SMG6: variants seen among roughly 807,000 people sequenced by gnomAD.
SMG6 encodes telomerase-binding protein EST1A.
Under a neutral mutation model 142.2 loss-of-function variants are expected in SMG6, and 66 were observed. That is an observed-to-expected ratio of 0.46 (90% CI 0.38 to 0.57). The LOEUF is 0.57. Ranked by LOEUF, SMG6 falls within the 20% of genes least tolerant of loss-of-function variation. SMG6 has a pLI of 0.00. For synonymous variants in SMG6, 779 were observed against 702.4 expected (o/e 1.11, Z -1.72); for missense variants, 1,793 against 1,832.0 (o/e 0.98, Z 0.39).
chr17:2,177,012 GA>G (rs1567660685), intron 12 of SMG6, among the ~76,000 whole-genome samples: 1 of 152,202 alleles, frequency 6.6e-6, no homozygotes. Flanking sequence ...GGTGACTGGG[GA>G]AACACATTTC....
Position 2,300,574 on chromosome 17 carries a change from C to G in SMG6, c.179G>C (p.Arg60Thr), listed in dbSNP as rs772969302. Reference sequence around the variant, plus strand: ...GGGTTCCTTGATTTTGGGCTTGTTCCTTAGCCGAGAAAGGCCAGGCTTATA... The same window carrying G: ...GGGTTCCTTGATTTTGGGCTTGTTCGTTAGCCGAGAAAGGCCAGGCTTATA... ...EIYKPGLSRL[R>T]NKPKIKEPPG... The change falls in exon 2 of 19, where the codon AGG (arginine) becomes ACG (threonine). Residue 60 changes from arginine (R) to threonine (T), a missense_variant. Around this residue, in one of 3 missense-constraint regions of SMG6, gnomAD observed 1,597 missense variants for 1,584.6 expected, o/e 1.01. Transcript: ENST00000263073. 103 of 1,613,898 alleles carry G rather than the reference C, an allele frequency of 6.4e-5. No individual in the cohort carries two copies. Among genetic ancestry groups the G allele is most frequent in the Non-Finnish European group, 8.3e-5 (98 of 1,179,950 alleles).
intron 10 of SMG6, among the ~76,000 whole-genome samples, chr17:2,225,305 C>T (rs2073284235): frequency 6.8e-6 from 1 of 147,124 alleles, no homozygotes; most frequent in Non-Finnish European, 1.5e-5. Context: ...AGGTGAACTC[C>T]ATCTTTACTA....
At chr17:2,265,679 A>G (rs549426626) in intron 8 of SMG6, among the ~76,000 whole-genome samples, 2 of 152,364 alleles carry the variant, frequency 1.3e-5, no homozygotes, top group South Asian at 4.1e-4. Context: ...TGAGCCACGT[A>G]CATCTCTGTC....
intron 10 of SMG6, chr17:2,236,235 C>G (rs2073647590): frequency 3.3e-6 from 1 of 304,932 alleles, no homozygotes; most frequent in Non-Finnish European, 6.1e-6. Flanking sequence ...GCCAGATGTG[C>G]AACTGCATCT....
In SMG6 at chr17:2,283,715, G is replaced by C. The variant is rs775694840; in HGVS notation, c.2358C>G (p.Val786=). The change falls in exon 7 of 19, where the codon GTC becomes GTG. Residue 786 remains valine, a synonymous_variant. Transcript: ENST00000263073. ...AVYTRRKLDA[V]YYYMRSLAAS... ...CAGCTAAACTGCGCATATAGTAATA[G>C]ACAGCGTCAAGCTTCCTCCTCTGTG... 2.5e-6 allele frequency: 4 copies of C among 1,613,868 alleles called. No homozygotes were observed. The highest frequency in any genetic ancestry group is 3.4e-6 in the Non-Finnish European group (4 of 1,179,946).
chr17:2,297,483 C>T (rs2075168442), intron 3 of SMG6, 130 bp from the exon 4 acceptor site: 1 of 668,490 alleles, frequency 1.5e-6, no homozygotes, highest in South Asian at 2.0e-5. Context: ...GAGGCACGCA[C>T]AATATTCACT....
At chr17:2,107,502 A>G (rs2069186651) in intron 13 of SMG6, among the ~76,000 whole-genome samples, 1 of 152,200 alleles carries the variant, frequency 6.6e-6, no homozygotes, top group Admixed American at 6.6e-5. Flanking sequence ...TTAAACAGAC[A>G]TTCTACCACC....
chr17:2,193,136 T>C (rs1464942515), intron 10 of SMG6, among the ~76,000 whole-genome samples: 1 of 151,724 alleles, frequency 6.6e-6, no homozygotes, highest in Non-Finnish European at 1.5e-5. Flanking sequence ...TGGTGGGAGG[T>C]GTCTGGATGG....
intron 13 of SMG6, among the ~76,000 whole-genome samples, chr17:2,094,252 TTC>T (rs1391192084): frequency 2.0e-5 from 3 of 152,128 alleles, no homozygotes; most frequent in African/African-American, 7.2e-5. Context: ...CAACGTAACT[TTC>T]TTTCTTTTTT....
chr17:2,292,637 C>G lies in SMG6; in HGVS notation c.2259-7G>C. 1 of 1,559,534 alleles carries G rather than the reference C, an allele frequency of 6.4e-7. No individual in the cohort carries two copies. The highest frequency in any genetic ancestry group is 1.5e-5 in the African/African-American group (1 of 68,300). ...CTGGGCCTTCAGGTACCAACTAGAACAGAAAAAACAGTAAGAAAATGCTAG... is the reference window on the plus strand; with the variant it reads ...CTGGGCCTTCAGGTACCAACTAGAAGAGAAAAAACAGTAAGAAAATGCTAG... On this transcript the variant is annotated splice_polypyrimidine_tract_variant and splice_region_variant and intron_variant, in intron 5 of 18. Coordinates refer to ENST00000263073, the MANE Select transcript of SMG6 (RefSeq NM_017575.5).
At chr17:2,224,897 A>G (rs1348724542) in intron 10 of SMG6, among the ~76,000 whole-genome samples, 1 of 152,238 alleles carries the variant, frequency 6.6e-6, no homozygotes, top group Admixed American at 6.5e-5. Context: ...GCTGCTTTCA[A>G]AAGAGAAACA....
chr17:2,195,435 C>A (rs1209340297), intron 10 of SMG6, among the ~76,000 whole-genome samples: 1 of 152,208 alleles, frequency 6.6e-6, no homozygotes, highest in Admixed American at 6.5e-5. Flanking sequence ...TGGAACTTAA[C>A]AAGCAATACC....
chr17:2,223,041 G>C (rs2073222201), intron 10 of SMG6, among the ~76,000 whole-genome samples: 1 of 152,222 alleles, frequency 6.6e-6, no homozygotes, highest in South Asian at 2.1e-4. Flanking sequence ...AGAAGTCCCT[G>C]GTGAGCTGGG....
intron 10 of SMG6, among the ~76,000 whole-genome samples, chr17:2,220,959 A>C (rs1314081662): frequency 6.6e-6 from 1 of 152,264 alleles, no homozygotes; most frequent in African/African-American, 2.4e-5. Context: ...TTTCATAAAT[A>C]GGACAGAATT....
chr17:2,126,555 T>C (rs1021490775), intron 13 of SMG6, among the ~76,000 whole-genome samples: 1 of 151,600 alleles, frequency 6.6e-6, no homozygotes, highest in South Asian at 2.1e-4. Flanking sequence ...TGAAACCCCA[T>C]CTCTACTAAA....
At position 2,300,364 on chromosome 17, in the gene SMG6, C is replaced by T. The variant is rs773325481; in HGVS notation, c.389G>A (p.Arg130His). Residue 130 changes from arginine (R) to histidine (H), a missense_variant, in exon 2 of 19, where the codon CGT (arginine) becomes CAT (histidine). Arg to His is a conservative substitution (Grantham distance 29, BLOSUM62 0). Around this residue, in one of 3 missense-constraint regions of SMG6, gnomAD observed 1,597 missense variants for 1,584.6 expected, o/e 1.01. Coordinates refer to ENST00000263073, the MANE Select transcript of SMG6 (RefSeq NM_017575.5). Reference sequence around the variant, plus strand: ...TGTTCTTTTGATAATTTTTAGACTACGATCCTCTTGTCCAGCAGTCCTAGG... The same window carrying T: ...TGTTCTTTTGATAATTTTTAGACTATGATCCTCTTGTCCAGCAGTCCTAGG... ...SFPRTAGQED[R>H]SLKIIKRTKK... The T allele has an allele frequency of 1.8e-5, 29 of 1,613,724 alleles. No individual in the cohort carries two copies. The highest frequency in any genetic ancestry group is 1.6e-4 in the Middle Eastern group (1 of 6,084).
At chr17:2,158,525 C>A (rs1205374591) in intron 13 of SMG6, among the ~76,000 whole-genome samples, 1 of 152,054 alleles carries the variant, frequency 6.6e-6, no homozygotes, top group Non-Finnish European at 1.5e-5. Flanking sequence ...AAAAATAGCC[C>A]ACGAAAACAT....
At chr17:2,118,994 G>C (rs1000488231) in intron 13 of SMG6, among the ~76,000 whole-genome samples, 1 of 150,566 alleles carries the variant, frequency 6.6e-6, no homozygotes, top group East Asian at 2.0e-4. Flanking sequence ...TCCGTCTCCC[G>C]GTTCAAGCAA....
intron 8 of SMG6, among the ~76,000 whole-genome samples, chr17:2,278,516 T>C (rs1210823076): frequency 6.6e-6 from 1 of 152,188 alleles, no homozygotes; most frequent in Non-Finnish European, 1.5e-5. Flanking sequence ...AAACTATATA[T>C]ACATTACTGT....
Sources: allele counts gnomAD v4.1 joint callset (sites outside exome capture counted in the v4.1 genomes callset), GRCh38; gene constraint gnomAD v4.1.1; regional missense constraint gnomAD v4.1.1; transcripts MANE v1.5; gene names NCBI Gene and HGNC (gene_info 2026-07-23, HGNC 2026-07-21).